Variants in SORCS1 observed in about 807,000 individuals in gnomAD.
SORCS1 encodes the protein VPS10 domain-containing receptor SorCS1.
A neutral mutation model predicts 146.1 loss-of-function variants in SORCS1; 60 were observed. That is an observed-to-expected ratio of 0.41 (90% confidence interval 0.33 to 0.51). SORCS1 has a LOEUF of 0.51. Ranked by LOEUF, SORCS1 falls within the 20% of genes least tolerant of loss-of-function variation. The pLI is 0.21. For missense variants in SORCS1, 1,352 were observed against 1,487.6 expected (o/e 0.91, Z 1.50); for synonymous variants, 637 against 584.0 (o/e 1.09, Z -1.31).
At chr10:106,818,166 T>C (rs759566487) in intron 3 of SORCS1, among the ~76,000 whole-genome samples, 7 of 152,164 alleles carry the variant, frequency 4.6e-5, no homozygotes, top group Admixed American at 2.6e-4. Flanking sequence ...ATTTCATCAA[T>C]AGTTCTGACT....
chr10:107,003,299 A>G (rs1957290792), intron 1 of SORCS1, among the ~76,000 whole-genome samples: 1 of 152,188 alleles, frequency 6.6e-6, no homozygotes, highest in Non-Finnish European at 1.5e-5. Flanking sequence ...ACTTAGCAGC[A>G]TAAGTAATAT....
At chr10:107,125,664 CAACTTG>C (rs1263442917) in intron 1 of SORCS1, among the ~76,000 whole-genome samples, 2 of 152,194 alleles carry the variant, frequency 1.3e-5, no homozygotes, top group African/African-American at 4.8e-5. Flanking sequence ...GGCTTCTAGC[CAACTTG>C]AAAATCAGTA....
rs9783272 is a variant in SORCS1 at position 107,093,658 on chromosome 10, G to A, written c.558+70311C>T. Among the ~76,000 whole-genome samples the A allele has an allele frequency of 1.8e-3, 252 of 141,768 alleles. 2 individuals carry two copies. The highest frequency in any genetic ancestry group is 7.9e-3 in the Middle Eastern group (2 of 252). 93.0% of individuals were successfully genotyped at this position (141,768 alleles called of 152,430 possible). ...ACTGCAGCCTGGCATCCAGCCTGGC[G>A]ACAGAGTGAGACTCAGTCTCAAAAA... On this transcript the variant is annotated intron_variant, in intron 1 of 25. Transcript: ENST00000263054.
At chr10:106,751,122 A>G (rs1589802381) in intron 5 of SORCS1, among the ~76,000 whole-genome samples, 2 of 150,490 alleles carry the variant, frequency 1.3e-5, no homozygotes, top group Admixed American at 1.3e-4. Context: ...AGCGTTAGCA[A>G]GCAGCATTCA....
intron 1 of SORCS1, among the ~76,000 whole-genome samples, chr10:106,972,756 G>A (rs1326726198): frequency 6.6e-6 from 1 of 152,100 alleles, no homozygotes. Context: ...AAAGAGAAGG[G>A]GACAATCTCT....
At chr10:106,866,302 C>T (rs1269630883) in intron 2 of SORCS1, among the ~76,000 whole-genome samples, 1 of 152,194 alleles carries the variant, frequency 6.6e-6, no homozygotes, top group East Asian at 1.9e-4. Context: ...CACTCCATCT[C>T]CCATGGATCC....
In SORCS1 at chr10:106,630,360, A is replaced by C. The variant is rs921107319; in HGVS notation, c.2476-972T>G. 2.0e-4 allele frequency among the ~76,000 whole-genome samples: 31 copies of C among 152,336 alleles called. 1 individual carries two copies. Among genetic ancestry groups the C allele is most frequent in the Non-Finnish European group, 1.5e-5 (1 of 68,034 alleles). ...GTCTAGTCTGGAGAGAGGAGTAGGC[A>C]ATCTTCTCCCACTTTACAGAGGAAG... is the stretch of plus-strand genomic sequence containing the variant. On this transcript the variant is annotated intron_variant, in intron 18 of 25. Coordinates refer to ENST00000263054, the MANE Select transcript of SORCS1 (RefSeq NM_052918.5).
At chr10:107,109,333 T>C (rs572741444) in intron 1 of SORCS1, among the ~76,000 whole-genome samples, 1 of 152,218 alleles carries the variant, frequency 6.6e-6, no homozygotes, top group East Asian at 1.9e-4. Context: ...TTCTCACACA[T>C]CCTCCAAAAT....
intron 7 of SORCS1, among the ~76,000 whole-genome samples, chr10:106,708,683 T>A (rs190786007): frequency 2.6e-5 from 4 of 152,326 alleles, no homozygotes; most frequent in Admixed American, 2.0e-4. Context: ...GTCTTTATTC[T>A]AATCACAGTT....
At chr10:106,856,028 ATT>A (rs34770451) in intron 2 of SORCS1, among the ~76,000 whole-genome samples, 5,055 of 140,878 alleles carry the variant, frequency 0.036, 224 homozygotes, top group African/African-American at 0.11. Flanking sequence ...GAGACACAAC[ATT>A]TTTTTTTTTT....
chr10:106,733,835 T>A (rs1856775064), intron 5 of SORCS1, among the ~76,000 whole-genome samples: 1 of 152,196 alleles, frequency 6.6e-6, no homozygotes, highest in South Asian at 2.1e-4. Flanking sequence ...ACCTTTGTTT[T>A]ATGCCTCTAG....
At chr10:106,849,374 G>A (rs903843850) in intron 2 of SORCS1, among the ~76,000 whole-genome samples, 11 of 148,260 alleles carry the variant, frequency 7.4e-5, no homozygotes, top group South Asian at 4.4e-4. Context: ...CCAGTTGATC[G>A]CATCGGCTCC....
intron 1 of SORCS1, among the ~76,000 whole-genome samples, chr10:107,009,269 T>C (rs1161536950): frequency 1.3e-5 from 2 of 152,212 alleles, no homozygotes; most frequent in South Asian, 2.1e-4. Context: ...TCCCCAGATA[T>C]TATCAGGCTG....
At chr10:107,170,808 G>A in the SORCS1 span, among the ~76,000 whole-genome samples, 1 of 152,180 alleles carries the variant, frequency 6.6e-6, no homozygotes, top group Non-Finnish European at 1.5e-5. Context: ...GGCACAGAGG[G>A]ACACCAAAGA....
At chr10:106,949,339 T>C (rs1269372828) in intron 2 of SORCS1, among the ~76,000 whole-genome samples, 1 of 152,188 alleles carries the variant, frequency 6.6e-6, no homozygotes, top group African/African-American at 2.4e-5. Context: ...ACTAACAATC[T>C]GACCCAAGCC....
intron 17 of SORCS1, among the ~76,000 whole-genome samples, chr10:106,663,690 T>G (rs1850910502): frequency 1.3e-5 from 2 of 152,194 alleles, no homozygotes; most frequent in African/African-American, 2.4e-5. Flanking sequence ...ACATTTTACC[T>G]CTTGCCAACT....
chr10:106,644,351 C>A (rs187532888), intron 18 of SORCS1, among the ~76,000 whole-genome samples: 39 of 151,920 alleles, frequency 2.6e-4, no homozygotes, highest in Non-Finnish European at 4.7e-4. Flanking sequence ...CCTTCTATTA[C>A]CATGAATAAT....
At chr10:106,790,409 G>A (rs949479100) in intron 3 of SORCS1, among the ~76,000 whole-genome samples, 5 of 152,166 alleles carry the variant, frequency 3.3e-5, no homozygotes, top group Admixed American at 3.3e-4. Context: ...CCATCTCCCT[G>A]ACTGACTGAA....
At chr10:106,947,777 G>A (rs1232053990) in intron 2 of SORCS1, among the ~76,000 whole-genome samples, 1 of 151,986 alleles carries the variant, frequency 6.6e-6, no homozygotes, top group Non-Finnish European at 1.5e-5. Flanking sequence ...ACCAGAGAGA[G>A]GCAGAGGTTG....
Sources: allele counts gnomAD v4.1 joint callset (sites outside exome capture counted in the v4.1 genomes callset), GRCh38; gene constraint gnomAD v4.1.1; transcripts MANE v1.5; gene names NCBI Gene and HGNC (gene_info 2026-07-23, HGNC 2026-07-21).